The following NTNG1 variants were observed in gnomAD, a reference collection of about 807,000 sequenced individuals.
NTNG1 encodes the protein netrin-G1.
A neutral mutation model predicts 54.0 loss-of-function variants in NTNG1; 16 were observed. The observed-to-expected ratio is 0.30, with a 90% CI of 0.20 to 0.45. The LOEUF (loss-of-function observed/expected upper bound fraction) is 0.45. NTNG1 is among the 20% of genes least tolerant of loss of function. The pLI, the probability that NTNG1 is intolerant of heterozygous loss-of-function variation, is 1.00. For missense variants in NTNG1, 530 were observed against 678.7 expected, an observed-to-expected ratio of 0.78 and a Z score of 2.43; for synonymous variants, 255 against 263.1, an observed-to-expected ratio of 0.97 and a Z score of 0.30.
chr1:107,352,632 A>T (rs1396407948), intron 3 of NTNG1, among the ~76,000 whole-genome samples: 1 of 152,238 alleles, frequency 6.6e-6, no homozygotes, highest in Non-Finnish European at 1.5e-5. Flanking sequence ...GAAAGGGGCT[A>T]CAGGCCCCCT....
At chr1:107,462,381 C>T (rs1218245220) in intron 7 of NTNG1, among the ~76,000 whole-genome samples, 2 of 152,152 alleles carry the variant, frequency 1.3e-5, no homozygotes, top group African/African-American at 4.8e-5. Context: ...AGACTATTTA[C>T]CCTCCTCAAG....
intron 7 of NTNG1, among the ~76,000 whole-genome samples, chr1:107,440,128 G>A (rs1675875919): frequency 6.6e-6 from 1 of 151,964 alleles, no homozygotes; most frequent in Non-Finnish European, 1.5e-5. Context: ...CTGAGAGTAA[G>A]CAGGCATTTA....
At chr1:107,321,993 C>T (rs1011686176) in intron 2 of NTNG1, among the ~76,000 whole-genome samples, 5 of 152,120 alleles carry the variant, frequency 3.3e-5, no homozygotes, top group Admixed American at 2.0e-4. Flanking sequence ...AAGGATTACC[C>T]AGGAAAATGT....
chr1:107,356,509 G>C (rs1669943275), intron 3 of NTNG1, among the ~76,000 whole-genome samples: 1 of 152,034 alleles, frequency 6.6e-6, no homozygotes, highest in South Asian at 2.1e-4. Context: ...GGCCAGGCTG[G>C]TGTCGAACTC....
chr1:107,213,246 T>C (rs921913258), intron 2 of NTNG1, among the ~76,000 whole-genome samples: 3 of 152,070 alleles, frequency 2.0e-5, no homozygotes, highest in African/African-American at 7.2e-5. Context: ...TACACTTGTT[T>C]CAATTTTTTG....
intron 2 of NTNG1, among the ~76,000 whole-genome samples, chr1:107,293,687 A>G (rs1012649801): frequency 2.0e-5 from 3 of 152,202 alleles, no homozygotes; most frequent in Non-Finnish European, 4.4e-5. Context: ...CAATGCTTAT[A>G]GGGATTTTGT....
At chr1:107,456,541 C>T (rs929649715) in intron 7 of NTNG1, among the ~76,000 whole-genome samples, 1 of 152,152 alleles carries the variant, frequency 6.6e-6, no homozygotes, top group East Asian at 1.9e-4. Flanking sequence ...CCACCAGAAT[C>T]AAGTAGAACC....
At chr1:107,267,264 TTGTAA>T (rs1557856628) in intron 2 of NTNG1, among the ~76,000 whole-genome samples, 5 of 152,208 alleles carry the variant, frequency 3.3e-5, no homozygotes, top group African/African-American at 1.2e-4. Flanking sequence ...ATCATAAGAC[TTGTAA>T]TGAATAGTAG....
At chr1:107,412,162 GAAATTCGTAGCTTAAGC>G (rs144009810) in intron 5 of NTNG1, among the ~76,000 whole-genome samples, 2,952 of 151,992 alleles carry the variant, frequency 0.019, 41 homozygotes, top group South Asian at 0.047. Context: ...GTGGGGTCAG[GAAATTCGTAGCTTAAGC>G]AAAAACTTGC....
intron 2 of NTNG1, among the ~76,000 whole-genome samples, chr1:107,228,359 A>G (rs951902013): frequency 4.6e-5 from 7 of 152,190 alleles, no homozygotes; most frequent in Non-Finnish European, 7.4e-5. Flanking sequence ...TTTGTGAACT[A>G]TGAAGTGTAT....
At position 107,243,050 on chromosome 1, in the gene NTNG1, C is replaced by T. The variant is rs570640851; in HGVS notation, c.247-81232C>T. Among the ~76,000 whole-genome samples the T allele has an allele frequency of 1.8e-3, 267 of 152,290 alleles. 2 individuals are homozygous for T. The highest frequency in any genetic ancestry group is 6.3e-3 in the African/African-American group (260 of 41,574). On this transcript the variant is annotated intron_variant, in intron 2 of 7. Coordinates refer to ENST00000370068, the MANE Select transcript of NTNG1 (RefSeq NM_001113226.3). ...AATTTCTAAGGCTTGATCAGAGCAT[C>T]AAGGGGTTTGTTGAAAATCCTCGTA...
chr1:107,197,958 G>T (rs543327688), intron 2 of NTNG1, among the ~76,000 whole-genome samples: 1 of 151,860 alleles, frequency 6.6e-6, no homozygotes, highest in Non-Finnish European at 1.5e-5. Flanking sequence ...CTATTCCCAG[G>T]CCCTTATGAT....
At chr1:107,276,719 C>A (rs183370725) in intron 2 of NTNG1, among the ~76,000 whole-genome samples, 1 of 152,048 alleles carries the variant, frequency 6.6e-6, no homozygotes, top group Non-Finnish European at 1.5e-5. Context: ...CACAGTAAGT[C>A]GTCACTAATT....
chr1:107,444,030 G>C (rs1484133213), intron 7 of NTNG1, among the ~76,000 whole-genome samples: 1 of 152,102 alleles, frequency 6.6e-6, no homozygotes, highest in African/African-American at 2.4e-5. Context: ...AATAGAAAGT[G>C]GCAATTTGTA....
At chr1:107,176,266 C>T (rs1165172814) in intron 2 of NTNG1, among the ~76,000 whole-genome samples, 1 of 152,106 alleles carries the variant, frequency 6.6e-6, no homozygotes, top group Non-Finnish European at 1.5e-5. Context: ...CTGCAATCAG[C>T]AACTTATTTG....
chr1:107,416,759 G>A lies in NTNG1; in HGVS notation c.1087+9051G>A, dbSNP rs567458860. Among the ~76,000 whole-genome samples the A allele has an allele frequency of 1.3e-3, 195 of 151,970 alleles. 3 individuals are homozygous for A. Among genetic ancestry groups the A allele is most frequent in the African/African-American group, 4.6e-3 (190 of 41,500 alleles). ...AATAACAAAATAATAAATCATACCA[G>A]TACTTGCATTTCATCAAGACAAACA... On this transcript the variant is annotated intron_variant, in intron 5 of 7. Coordinates refer to ENST00000370068, the MANE Select transcript of NTNG1 (RefSeq NM_001113226.3).
chr1:107,299,506 A>G, intron 2 of NTNG1, among the ~76,000 whole-genome samples: 1 of 152,298 alleles, frequency 6.6e-6, no homozygotes, highest in East Asian at 1.9e-4. Context: ...TCACAGTTTT[A>G]AGGACTTTAC....
chr1:107,334,541 A>G (rs1303994630), intron 3 of NTNG1, among the ~76,000 whole-genome samples: 3 of 151,890 alleles, frequency 2.0e-5, no homozygotes, highest in African/African-American at 7.2e-5. Context: ...CATTAACTCC[A>G]GTATTGGATT....
At chr1:107,403,379 A>C (rs547069952) in intron 4 of NTNG1, among the ~76,000 whole-genome samples, 54 of 152,246 alleles carry the variant, frequency 3.5e-4, no homozygotes, top group Admixed American at 9.8e-4. Context: ...AAGCGTTATT[A>C]TTAAAATAGT....
Sources: allele counts gnomAD v4.1 joint callset (sites outside exome capture counted in the v4.1 genomes callset), GRCh38; gene constraint gnomAD v4.1.1; transcripts MANE v1.5; gene names NCBI Gene and HGNC (gene_info 2026-07-23, HGNC 2026-07-21).